Variants in CHST12 observed in about 807,000 individuals in gnomAD.
The protein encoded by CHST12 is carbohydrate (chondroitin 4) sulfotransferase 12.
In CHST12, 23 loss-of-function variants were observed where a neutral mutation model predicts 27.9. The observed-to-expected ratio is 0.82, with a 90% CI of 0.59 to 1.17. The LOEUF is 1.17. Ranked by LOEUF, CHST12 falls within the 50% of genes most tolerant of loss-of-function variation. The probability of loss-of-function intolerance (pLI) is 0.00; values close to 1 mark genes in which losing one functional copy is unlikely to be tolerated. For missense variants in CHST12, 682 were observed against 603.0 expected (o/e 1.13, Z -1.37); for synonymous variants, 322 against 273.0 (o/e 1.18, Z -1.77).
chr7:2,425,759 C>T (rs1017706422), intron 1 of CHST12, among the ~76,000 whole-genome samples: 1 of 151,194 alleles, frequency 6.6e-6, no homozygotes, highest in South Asian at 2.1e-4. Context: ...CAGGTCTTCT[C>T]CCATGCTGTC....
rs535979468 is a variant in CHST12 at position 2,433,701 on chromosome 7, G to C, written c.1062G>C (p.Gln354His). 31 of 1,613,534 alleles carry C rather than the reference G, an allele frequency of 1.9e-5. No individual in the cohort carries two copies. The East Asian group carries it at 6.5e-4, about 34-fold the overall frequency. The change falls in exon 2 of 2, where the codon CAG becomes CAC. Residue 354 changes from glutamine to histidine, a missense_variant. By Grantham distance (24) the Gln-to-His change is conservative. Coordinates refer to ENST00000618655, the MANE Select transcript of CHST12 (RefSeq NM_018641.5). This position sits in a 1 kb window ranked among gnomAD's most constrained non-coding sequence, Gnocchi z 6.1. ...TLDEDAAQLL[Q>H]LLQVDRQLRF... The stretch of plus-strand genomic sequence containing the variant: ...ACGAGGACGCCGCGCAGCTGCTGCA[G>C]CTACTCCAGGTGGACCGGCAGCTCC...
intron 1 of CHST12, among the ~76,000 whole-genome samples, chr7:2,415,672 G>T (rs1037261310): frequency 6.6e-6 from 1 of 151,412 alleles, no homozygotes; most frequent in Non-Finnish European, 1.5e-5. Flanking sequence ...GAGTGCAGTG[G>T]CACGATCTTG....
In CHST12 at chr7:2,447,351, C is replaced by T. The variant is rs1048873247; in HGVS notation, c.*13467C>T. 2 of 152,258 alleles carry T rather than the reference C, an allele frequency of 1.3e-5. No homozygotes were observed. Among genetic ancestry groups the T allele is most frequent in the African/African-American group, 4.8e-5 (2 of 41,456 alleles). The allele number at this position is 152,258 out of a possible 1,614,324, so 9.4% of individuals were successfully genotyped here. On this transcript the variant is annotated 3_prime_UTR_variant, in exon 2 of 2. Transcript: ENST00000618655. ...CTCAGTGACCCTCTGTGCTTGCCTT[C>T]GTGGTCTTCCTCATGGAGGATTTCG...
At position 2,444,303 on chromosome 7, in the gene CHST12, A is replaced by AG. The variant is rs1347489218; in HGVS notation, c.*10419_*10420insG. On this transcript the variant is annotated 3_prime_UTR_variant, in exon 2 of 2. Coordinates refer to ENST00000618655, the MANE Select transcript of CHST12 (RefSeq NM_018641.5). ...CGTCTCAAAAAAAAAAAAAAAAAAAAAAAAATACAAAAATTAGCTGGGTGT... is the reference window on the plus strand; with the variant it reads ...CGTCTCAAAAAAAAAAAAAAAAAAAAGAAAAATACAAAAATTAGCTGGGTGT... The AG allele has an allele frequency of 4.6e-5, 7 of 150,916 alleles. No individual in the cohort carries two copies. The highest frequency in any genetic ancestry group is 1.5e-5 in the Non-Finnish European group (1 of 67,762). 9.3% of individuals were successfully genotyped at this position (150,916 alleles called of 1,614,324 possible). A position where few individuals can be genotyped will look rare whatever the true frequency, so the allele number is the denominator to read the frequency against.
chr7:2,430,290 A>G lies in CHST12; in HGVS notation c.-77-2273A>G, dbSNP rs776744537. Reference sequence around the variant, plus strand: ...TTATTCCTTTATATAAAATATTTCAATTCTTTTATTTTTATTTATTTATTC... The same window carrying G: ...TTATTCCTTTATATAAAATATTTCAGTTCTTTTATTTTTATTTATTTATTC... On this transcript the variant is annotated intron_variant, in intron 1 of 1. Coordinates refer to ENST00000618655, the MANE Select transcript of CHST12 (RefSeq NM_018641.5). 5.3e-5 allele frequency among the ~76,000 whole-genome samples: 8 copies of G among 151,748 alleles called. No homozygotes were observed. The East Asian group carries it at 1.4e-3, about 26-fold the overall frequency.
chr7:2,410,651 A>G (rs1304255556), intron 1 of CHST12, among the ~76,000 whole-genome samples: 1 of 152,158 alleles, frequency 6.6e-6, no homozygotes, highest in Non-Finnish European at 1.5e-5. Flanking sequence ...AGCGTCAAGC[A>G]GAGATCTGAA....
Position 2,437,581 on chromosome 7 carries a change from C to G in CHST12, c.*3697C>G, listed in dbSNP as rs928329343. 6.6e-6 allele frequency: 1 copy of G among 152,156 alleles called. No homozygotes were observed. Among genetic ancestry groups the G allele is most frequent in the African/African-American group, 2.4e-5 (1 of 41,426 alleles). The allele number at this position is 152,156 out of a possible 1,614,324, so 9.4% of individuals were successfully genotyped here. A position where few individuals can be genotyped will look rare whatever the true frequency, so the allele number is the denominator to read the frequency against. ...AAAAATTTCAGGTTTGGTTTTGGCC[C>G]TATGTCTTGATGGAGGGCAAGGGTT... On this transcript the variant is annotated 3_prime_UTR_variant, in exon 2 of 2. Coordinates refer to ENST00000618655, the MANE Select transcript of CHST12 (RefSeq NM_018641.5).
At chr7:2,414,810 G>A (rs1053698521) in intron 1 of CHST12, among the ~76,000 whole-genome samples, 3 of 152,150 alleles carry the variant, frequency 2.0e-5, no homozygotes, top group African/African-American at 7.2e-5. Context: ...GAGGCGTAGG[G>A]TTGAGGTTCA....
At chr7:2,425,691 C>CTTTTTTTTTTTTTTT (rs760502452) in intron 1 of CHST12, among the ~76,000 whole-genome samples, 19 of 137,868 alleles carry the variant, frequency 1.4e-4, no homozygotes, top group African/African-American at 3.5e-4. Flanking sequence ...ACTGCATTTG[C>CTTTTTTTTTTTTTTT]TTTTTTTTTT....
intron 1 of CHST12, among the ~76,000 whole-genome samples, chr7:2,429,817 C>T (rs1782228146): frequency 6.6e-6 from 1 of 151,976 alleles, no homozygotes; most frequent in Non-Finnish European, 1.5e-5. Context: ...CTTGGTCTTG[C>T]TAAGACCAAG....
At chr7:2,404,536 G>GGT (rs1450878059) in intron 1 of CHST12, among the ~76,000 whole-genome samples, 1 of 152,244 alleles carries the variant, frequency 6.6e-6, no homozygotes, top group African/African-American at 2.4e-5. Context: ...CAGGCCCTAC[G>GGT]GTGCTGTTCC....
At chr7:2,429,615 C>T (rs1029712363) in intron 1 of CHST12, among the ~76,000 whole-genome samples, 2 of 152,066 alleles carry the variant, frequency 1.3e-5, no homozygotes, top group Non-Finnish European at 2.9e-5. Flanking sequence ...TTGTGGTTGT[C>T]AAGGAATTGG....
intron 1 of CHST12, among the ~76,000 whole-genome samples, chr7:2,426,328 C>T (rs1231318259): frequency 6.6e-6 from 1 of 152,202 alleles, no homozygotes; most frequent in Non-Finnish European, 1.5e-5. Flanking sequence ...GTATTGACTG[C>T]ACCCTACCAT....
At chr7:2,411,593 A>C (rs149057447) in intron 1 of CHST12, among the ~76,000 whole-genome samples, 2 of 136,338 alleles carry the variant, frequency 1.5e-5, no homozygotes, top group East Asian at 4.7e-4. Flanking sequence ...GGTTCAAGCA[A>C]TTGTCTCTGC....
Position 2,433,901 on chromosome 7 carries a change from T to G in CHST12, c.*17T>G, listed in dbSNP as rs989073734. ...CGAGACTGAAAGCTTTCGCGTTGCT[T>G]TTTCTCGCGTGCCTGGAACCTGACG... On this transcript the variant is annotated 3_prime_UTR_variant, in exon 2 of 2. Transcript: ENST00000618655. The surrounding 1 kb of genome is among the most constrained non-coding windows in gnomAD (Gnocchi z 6.1). The G allele has an allele frequency of 1.3e-5, 20 of 1,542,510 alleles. No homozygotes were observed. Among genetic ancestry groups the G allele is most frequent in the Non-Finnish European group, 1.7e-5 (19 of 1,143,094 alleles).
rs1282617018 is a variant in CHST12 at position 2,445,174 on chromosome 7, A to G, written c.*11290A>G. ...TCCAGAAGCTTCTCCCGGAGTCCAGAGCCTCCCAGTGGTGCTTTGGGAAGG... is the reference window on the plus strand; with the variant it reads ...TCCAGAAGCTTCTCCCGGAGTCCAGGGCCTCCCAGTGGTGCTTTGGGAAGG... On this transcript the variant is annotated 3_prime_UTR_variant, in exon 2 of 2. Coordinates refer to ENST00000618655, the MANE Select transcript of CHST12 (RefSeq NM_018641.5). 2 of 152,204 alleles carry G rather than the reference A, an allele frequency of 1.3e-5. No individual in the cohort carries two copies. The highest frequency in any genetic ancestry group is 4.8e-5 in the African/African-American group (2 of 41,452). 9.4% of individuals were successfully genotyped at this position (152,204 alleles called of 1,614,324 possible).
intron 1 of CHST12, 29 bp from the exon 2 acceptor site, chr7:2,432,534 C>T: frequency 1.6e-6 from 2 of 1,285,096 alleles, no homozygotes; most frequent in Admixed American, 2.5e-5. Context: ...GCACCTCAGT[C>T]ATTAACTAGT....
At position 2,442,067 on chromosome 7, in the gene CHST12, G is replaced by T. The variant is rs956610209; in HGVS notation, c.*8183G>T. On this transcript the variant is annotated 3_prime_UTR_variant, in exon 2 of 2. Transcript: ENST00000618655. Reference sequence around the variant, plus strand: ...TTCCCCACTGTGCCGCCCCCCCAAAGCCCCTGGCACCAACCATTCTACTTC... The same window carrying T: ...TTCCCCACTGTGCCGCCCCCCCAAATCCCCTGGCACCAACCATTCTACTTC... 3.3e-5 allele frequency: 5 copies of T among 151,844 alleles called. No individual in the cohort carries two copies. Among genetic ancestry groups the T allele is most frequent in the African/African-American group, 1.2e-4 (5 of 41,330 alleles). The allele number at this position is 151,844 out of a possible 1,614,324, so 9.4% of individuals were successfully genotyped here. A position where few individuals can be genotyped will look rare whatever the true frequency, so the allele number is the denominator to read the frequency against.
chr7:2,425,595 T>A (rs1583220123), intron 1 of CHST12, among the ~76,000 whole-genome samples: 1 of 151,698 alleles, frequency 6.6e-6, no homozygotes, highest in Admixed American at 6.6e-5. Flanking sequence ...TGAGCACAGG[T>A]GGTGAGTCAC....
Sources: allele counts gnomAD v4.1 joint callset (sites outside exome capture counted in the v4.1 genomes callset), GRCh38; gene constraint gnomAD v4.1.1; non-coding constraint Gnocchi (gnomAD v3.1); transcripts MANE v1.5; gene names NCBI Gene and HGNC (gene_info 2026-07-23, HGNC 2026-07-21).